The following SHANK2 variants were observed in gnomAD, a reference collection of about 807,000 sequenced individuals.
The protein encoded by SHANK2 is SH3 and multiple ankyrin repeat domains 2.
SHANK2 carries 43 observed loss-of-function variants against 133.7 expected under a neutral mutation model. The ratio of observed to expected loss-of-function variants is 0.32; its 90% CI spans 0.25 to 0.41. The LOEUF (loss-of-function observed/expected upper bound fraction) is 0.41, where lower values mean the gene tolerates loss of function less well. SHANK2 is among the 10% of genes least tolerant of loss of function. SHANK2 has a pLI of 1.00. For synonymous variants in SHANK2, 1,017 were observed against 952.8 expected, an observed-to-expected ratio of 1.07 and a Z score of -1.24; for missense variants, 1,994 against 2,235.8, an observed-to-expected ratio of 0.89 and a Z score of 2.18.
At chr11:70,752,194 C>A (rs563195052) in intron 14 of SHANK2, among the ~76,000 whole-genome samples, 1 of 152,194 alleles carries the variant, frequency 6.6e-6, no homozygotes, top group South Asian at 2.1e-4. Context: ...AGCAATCCCT[C>A]CCCCCTTGGC....
At chr11:70,888,498 G>A (rs1031348500) in intron 11 of SHANK2, among the ~76,000 whole-genome samples, 56 of 152,276 alleles carry the variant, frequency 3.7e-4, no homozygotes, top group African/African-American at 1.3e-3. Context: ...CCGGGTACCA[G>A]GGAAGGCAGG....
At chr11:71,092,248 G>A (rs782019959) in intron 8 of SHANK2, among the ~76,000 whole-genome samples, 174 bp downstream of exon 8, 2 of 152,194 alleles carry the variant, frequency 1.3e-5, no homozygotes, top group Admixed American at 6.5e-5. Context: ...AAATACTGAC[G>A]TTCACATTTT....
intron 17 of SHANK2, among the ~76,000 whole-genome samples, chr11:70,506,559 C>T (rs1421482617): frequency 2.0e-5 from 3 of 152,214 alleles, no homozygotes; most frequent in Non-Finnish European, 4.4e-5. Context: ...TGTTGGGCAT[C>T]TGATGCCCCT....
At chr11:70,580,853 C>T (rs2060175372) in intron 17 of SHANK2, among the ~76,000 whole-genome samples, 1 of 152,198 alleles carries the variant, frequency 6.6e-6, no homozygotes, top group Non-Finnish European at 1.5e-5. Context: ...TGGGGGGACC[C>T]TGGGGGGCTC....
intron 2 of SHANK2, among the ~76,000 whole-genome samples, chr11:71,185,514 A>G (rs558975375): frequency 1.2e-4 from 19 of 152,334 alleles, no homozygotes; most frequent in African/African-American, 4.3e-4. Context: ...ATTCTTGGGC[A>G]TGAAGCTTCT....
At chr11:71,086,296 G>T (rs1329252848) in intron 8 of SHANK2, among the ~76,000 whole-genome samples, 2 of 34,082 alleles carry the variant, frequency 5.9e-5, no homozygotes, top group African/African-American at 1.2e-4. Context: ...TGTTATATAA[G>T]ATGTTATATA....
intron 14 of SHANK2, among the ~76,000 whole-genome samples, chr11:70,790,061 T>A (rs535010266): frequency 6.6e-6 from 1 of 152,348 alleles, no homozygotes; most frequent in East Asian, 1.9e-4. Flanking sequence ...ATAAACTGCC[T>A]CATCCATGGG....
intron 17 of SHANK2, among the ~76,000 whole-genome samples, chr11:70,584,388 A>T (rs539450694): frequency 1.3e-4 from 20 of 152,250 alleles, no homozygotes; most frequent in Admixed American, 3.3e-4. Flanking sequence ...CCCCTCAAGA[A>T]TCAGGCAATT....
At chr11:70,753,811 A>ACTGTGTGTGTGTGTGTGTGTGTGTGT (rs71049937) in intron 14 of SHANK2, among the ~76,000 whole-genome samples, 2,263 of 144,784 alleles carry the variant, frequency 0.016, 75 homozygotes, top group Middle Eastern at 0.021. Flanking sequence ...AAAGATATTA[A>ACTGTGTGTGTGTGTGTGTGTGTGTGT]GTGTGTGTGT....
At chr11:70,623,484 C>A (rs182541645) in intron 17 of SHANK2, among the ~76,000 whole-genome samples, 283 of 152,328 alleles carry the variant, frequency 1.9e-3, no homozygotes, top group Admixed American at 3.0e-3. Context: ...GCTGCGCCCC[C>A]ACAGCACCCT....
chr11:71,136,951 C>T (rs1952450875), intron 3 of SHANK2, among the ~76,000 whole-genome samples: 1 of 152,218 alleles, frequency 6.6e-6, no homozygotes, highest in Non-Finnish European at 1.5e-5. Context: ...CAACCTCCAC[C>T]TCGCAGGTTC....
At chr11:71,140,415 C>A (rs1952532420) in intron 3 of SHANK2, among the ~76,000 whole-genome samples, 3 of 152,234 alleles carry the variant, frequency 2.0e-5, no homozygotes, top group Admixed American at 2.0e-4. Flanking sequence ...GGGGAAACAG[C>A]CCCTGCCCTG....
chr11:70,840,856 C>T (rs899089080), intron 11 of SHANK2, among the ~76,000 whole-genome samples: 2 of 152,182 alleles, frequency 1.3e-5, no homozygotes, highest in South Asian at 4.1e-4. Flanking sequence ...CTAAGAGATG[C>T]TGATGAGGCC....
At chr11:71,181,498 G>A (rs150403692) in intron 2 of SHANK2, among the ~76,000 whole-genome samples, 1 of 152,244 alleles carries the variant, frequency 6.6e-6, no homozygotes, top group East Asian at 1.9e-4. Flanking sequence ...AAAGGCAATG[G>A]TCATATGACA....
At chr11:71,218,093 G>C (rs149176119) in intron 2 of SHANK2, among the ~76,000 whole-genome samples, 1 of 151,828 alleles carries the variant, frequency 6.6e-6, no homozygotes, top group Non-Finnish European at 1.5e-5. Flanking sequence ...CTTGTGATTC[G>C]CCTCCTTACC....
Position 71,207,964 on chromosome 11 carries a change from C to CA in SHANK2, c.-13+16732dup, listed in dbSNP as rs566060845. On this transcript the variant is annotated intron_variant, in intron 2 of 25. Coordinates refer to ENST00000601538, the MANE Select transcript of SHANK2 (RefSeq NM_012309.5). ...ACCTAAATTTCAACAAATTCCACTG[C>CA]AAAAAAAAAAGAAAGATTGGTGTCC... Among the ~76,000 whole-genome samples the CA allele has an allele frequency of 5.7e-4, 82 of 145,056 alleles. 1 individual carries two copies. The highest frequency in any genetic ancestry group is 7.1e-3 in the Middle Eastern group (2 of 280).
rs1434962259 is a variant in SHANK2 at position 70,678,433 on chromosome 11, C to T, written c.1854-16755G>A. ...CCAGGCATGAGCCACCACGCCCAGC[C>T]TCCTGCCTGTTCTTTATTAAAGCTG... On this transcript the variant is annotated intron_variant, in intron 15 of 25. Transcript: ENST00000601538. Among the ~76,000 whole-genome samples, 4 of 151,994 alleles carry T rather than the reference C, an allele frequency of 2.6e-5. No individual in the cohort carries two copies. In the East Asian group the frequency reaches 7.7e-4, roughly 29 times the overall value.
Position 70,753,180 on chromosome 11 carries a change from A to C in SHANK2, c.1777+45263T>G, listed in dbSNP as rs567872568. 1.4e-3 allele frequency among the ~76,000 whole-genome samples: 206 copies of C among 152,020 alleles called. 1 individual carries two copies. Among genetic ancestry groups the C allele is most frequent in the Non-Finnish European group, 2.2e-3 (148 of 67,970 alleles). Reference sequence around the variant, plus strand: ...AGAAACCAACAGAACTGTTAAAAAAAAAAAAACAAAAAACAAACAAAAAAA... The same window carrying C: ...AGAAACCAACAGAACTGTTAAAAAACAAAAAACAAAAAACAAACAAAAAAA... On this transcript the variant is annotated intron_variant, in intron 14 of 25. Transcript: ENST00000601538.
intron 9 of SHANK2, among the ~76,000 whole-genome samples, chr11:71,057,309 T>A (rs1950932569): frequency 6.6e-6 from 1 of 152,042 alleles, no homozygotes; most frequent in South Asian, 2.1e-4. Context: ...CCCTCCAGCC[T>A]GGGCAACAAG....
Sources: allele counts gnomAD v4.1 joint callset (sites outside exome capture counted in the v4.1 genomes callset), GRCh38; gene constraint gnomAD v4.1.1; transcripts MANE v1.5; gene names NCBI Gene and HGNC (gene_info 2026-07-23, HGNC 2026-07-21).